KLRD1: variants seen among roughly 807,000 people sequenced by gnomAD.
KLRD1 encodes the protein natural killer cells antigen CD94.
KLRD1 carries 21 observed loss-of-function variants against 22.6 expected under a neutral mutation model. That is an observed-to-expected ratio of 0.93 (90% CI 0.66 to 1.34). The LOEUF (loss-of-function observed/expected upper bound fraction) is 1.34, where lower values mean the gene tolerates loss of function less well. Among genes scored for constraint, KLRD1 ranks in the 40% most tolerant of loss-of-function variants. The pLI, the probability that KLRD1 is intolerant of heterozygous loss-of-function variation, is 0.00. For synonymous variants in KLRD1, 59 were observed against 71.1 expected (o/e 0.83, Z 0.85); for missense variants, 183 against 208.6 (o/e 0.88, Z 0.76).
chr12:10,246,484 C>T (rs1949292428), intron 1 of KLRD1, among the ~76,000 whole-genome samples: 1 of 152,146 alleles, frequency 6.6e-6, no homozygotes, highest in Non-Finnish European at 1.5e-5. Context: ...AACACAGTGA[C>T]TGCTTCACAA....
At chr12:10,305,031 A>G (rs1057012113), upstream of KLRD1, among the ~76,000 whole-genome samples, 1 of 152,234 alleles carries the variant, frequency 6.6e-6, no homozygotes, top group Non-Finnish European at 1.5e-5. Context: ...ACTAGAACGT[A>G]TACTGTTATT....
chr12:10,259,856 C>T (rs1431102980), intron 1 of KLRD1, among the ~76,000 whole-genome samples: 2 of 152,154 alleles, frequency 1.3e-5, no homozygotes. Flanking sequence ...ATCCCAGATA[C>T]TTGGGAGGCT....
In KLRD1 at chr12:10,315,253, G is replaced by C. The variant is rs533657962; in HGVS notation, c.*460G>C. 2.3e-6 allele frequency: 1 copy of C among 436,758 alleles called. No homozygotes were observed. The highest frequency in any genetic ancestry group is 3.3e-4 in the Middle Eastern group (1 of 3,010). 27.1% of individuals were successfully genotyped at this position (436,758 alleles called of 1,614,324 possible). A position where few individuals can be genotyped will look rare whatever the true frequency, so the allele number is the denominator to read the frequency against. ...CCTGACTCAGCCTCCCAAGTAGCTA[G>C]GACTGCAGGCACCATGTCACTATGC... On this transcript the variant is annotated 3_prime_UTR_variant, in exon 6 of 6. Transcript: ENST00000336164.
chr12:10,257,639 TTC>T (rs904579092), intron 1 of KLRD1, among the ~76,000 whole-genome samples: 1 of 104,130 alleles, frequency 9.6e-6, no homozygotes, highest in Non-Finnish European at 2.2e-5. Context: ...TTAGTTATTT[TTC>T]TGTTTTTTTC....
Position 10,273,447 on chromosome 12 carries a change from G to A in KLRD1, c.-100-34531G>A, listed in dbSNP as rs563257762. ...TTTTCATATGTGGTTTTCTATTTTT[G>A]TGTTACTGTTTCTGATGAGCATAAT... On this transcript the variant is annotated intron_variant, in intron 1 of 5. Transcript: ENST00000544747. Among the ~76,000 whole-genome samples, 6 of 152,120 alleles carry A rather than the reference G, an allele frequency of 3.9e-5. No homozygotes were observed. In the South Asian group the frequency reaches 8.3e-4, roughly 21 times the overall value.
At chr12:10,249,847 AG>A (rs1401742703) in intron 1 of KLRD1, among the ~76,000 whole-genome samples, 2 of 152,190 alleles carry the variant, frequency 1.3e-5, no homozygotes, top group Admixed American at 6.5e-5. Flanking sequence ...GCTAAGCAGA[AG>A]GGTGGTAGTG....
At chr12:10,300,502 A>G (rs1949857444), upstream of KLRD1, among the ~76,000 whole-genome samples, 1 of 152,224 alleles carries the variant, frequency 6.6e-6, no homozygotes, top group Non-Finnish European at 1.5e-5. Flanking sequence ...CCATGTTATA[A>G]ACAGATGTGC....
chr12:10,240,122 G>T (rs897066173), intron 1 of KLRD1, among the ~76,000 whole-genome samples: 3 of 151,160 alleles, frequency 2.0e-5, no homozygotes, highest in Non-Finnish European at 2.9e-5. Context: ...GTGCAGTGGC[G>T]TGATCTCAGC....
intron 1 of KLRD1, among the ~76,000 whole-genome samples, chr12:10,287,537 G>C (rs550532524): frequency 1.3e-5 from 2 of 152,188 alleles, no homozygotes; most frequent in South Asian, 4.1e-4. Flanking sequence ...TCCTTTTCAA[G>C]TGAATTATTT....
intron 1 of KLRD1, among the ~76,000 whole-genome samples, chr12:10,240,411 G>T (rs1188244877): frequency 6.6e-6 from 1 of 151,520 alleles, no homozygotes; most frequent in Non-Finnish European, 1.5e-5. Flanking sequence ...TCATTGTTCA[G>T]CTTCATGCCA....
intron 1 of KLRD1, among the ~76,000 whole-genome samples, chr12:10,298,184 G>A (rs1441532753): frequency 6.6e-6 from 1 of 152,156 alleles, no homozygotes; most frequent in African/African-American, 2.4e-5. Context: ...AGTCAAGAAA[G>A]CCTGGAGTTA....
rs1336156326 is a variant in KLRD1 at position 10,327,796 on chromosome 12, C to T, written c.*13003C>T. ...TCCATAGCATGATATTAGCTATGCA[C>T]TTTACATATAGGGCCTTCAAAATGT... is the stretch of plus-strand genomic sequence containing the variant. On this transcript the variant is annotated 3_prime_UTR_variant, in exon 6 of 6. Coordinates refer to ENST00000336164, the MANE Select transcript of KLRD1 (RefSeq NM_002262.5). 3 of 152,252 alleles carry T rather than the reference C, an allele frequency of 2.0e-5. No homozygotes were observed. In the East Asian group the frequency reaches 5.8e-4, roughly 29 times the overall value. The allele number at this position is 152,252 out of a possible 1,614,324, so 9.4% of individuals were successfully genotyped here.
chr12:10,239,744 C>T (rs935888237), intron 1 of KLRD1, among the ~76,000 whole-genome samples: 22 of 151,264 alleles, frequency 1.5e-4, no homozygotes, highest in Admixed American at 4.6e-4. Flanking sequence ...CGGGTTCAGG[C>T]GATTCTCCTG....
intron 3 of KLRD1, 139 bp from the exon 4 acceptor site, chr12:10,311,325 T>C: frequency 1.7e-6 from 1 of 594,246 alleles, no homozygotes; most frequent in Non-Finnish European, 2.8e-6. Context: ...TTCACATTAG[T>C]AGCCCCTGAA....
At chr12:10,257,142 T>TTC (rs1555101688) in intron 1 of KLRD1, among the ~76,000 whole-genome samples, 61,528 of 102,782 alleles carry the variant, frequency 0.6, 18,026 homozygotes, top group Admixed American at 0.75. Context: ...TTCTTTTCTT[T>TTC]TTTTTTTTTT....
intron 1 of KLRD1, among the ~76,000 whole-genome samples, chr12:10,242,893 A>G (rs1033582970): frequency 7.2e-5 from 11 of 152,190 alleles, no homozygotes; most frequent in African/African-American, 2.2e-4. Flanking sequence ...CTAAGTGTTC[A>G]TTGGGATGAA....
Position 10,318,513 on chromosome 12 carries a change from C to A in KLRD1, c.*3720C>A, listed in dbSNP as rs530110682. The A allele has an allele frequency of 5.3e-5, 8 of 152,244 alleles. No individual in the cohort carries two copies. In the East Asian group the frequency reaches 1.5e-3, roughly 29 times the overall value. 9.4% of individuals were successfully genotyped at this position (152,244 alleles called of 1,614,324 possible). On this transcript the variant is annotated 3_prime_UTR_variant, in exon 6 of 6. Transcript: ENST00000336164. ...TGGTCCCACACTGCTTGTTTGAATT[C>A]TCTTTCTCATACGGTATCATATTCC... is the stretch of plus-strand genomic sequence containing the variant.
chr12:10,240,771 T>C (rs1321412037), intron 1 of KLRD1, among the ~76,000 whole-genome samples: 1 of 152,176 alleles, frequency 6.6e-6, no homozygotes, highest in African/African-American at 2.4e-5. Context: ...TTTAAGTACA[T>C]TTAAGTCAGT....
intron 1 of KLRD1, among the ~76,000 whole-genome samples, chr12:10,292,291 T>C (rs572089900): frequency 6.6e-6 from 1 of 152,374 alleles, no homozygotes; most frequent in East Asian, 1.9e-4. Flanking sequence ...GAATCTAGAA[T>C]AGTGAAGCCT....
Sources: allele counts gnomAD v4.1 joint callset (sites outside exome capture counted in the v4.1 genomes callset), GRCh38; gene constraint gnomAD v4.1.1; transcripts MANE v1.5; gene names NCBI Gene and HGNC (gene_info 2026-07-23, HGNC 2026-07-21).